Variants in HS1BP3 observed in about 807,000 individuals in gnomAD.
HS1BP3 encodes HCLS1 binding protein 3, also known as HCLS1-binding protein 3.
HS1BP3 carries 32 observed loss-of-function variants against 33.5 expected under a neutral mutation model. That is an observed-to-expected ratio of 0.95 (90% CI 0.72 to 1.28). The LOEUF is 1.28. HS1BP3 is among the 50% of genes most tolerant of loss of function. The pLI, the probability that HS1BP3 is intolerant of heterozygous loss-of-function variation, is 0.00. For missense variants in HS1BP3, 486 were observed against 502.3 expected, an observed-to-expected ratio of 0.97 and a Z score of 0.31; for synonymous variants, 187 against 209.2, an observed-to-expected ratio of 0.89 and a Z score of 0.92.
chr2:20,650,647 G>A (rs928061752), intron 1 of HS1BP3, among the ~76,000 whole-genome samples: 4 of 152,212 alleles, frequency 2.6e-5, no homozygotes, highest in Non-Finnish European at 5.9e-5. Context: ...TGTCCCCAGT[G>A]CCCAGCACCG....
At chr2:20,571,970 C>G (rs1204651806) in intron 5 of HS1BP3, among the ~76,000 whole-genome samples, 1 of 152,242 alleles carries the variant, frequency 6.6e-6, no homozygotes, top group Non-Finnish European at 1.5e-5. Flanking sequence ...AGGCCTGCTC[C>G]CCTCTTGCCT....
intron 5 of HS1BP3, among the ~76,000 whole-genome samples, chr2:20,568,450 G>A (rs1693188288): frequency 6.6e-6 from 1 of 152,168 alleles, no homozygotes; most frequent in African/African-American, 2.4e-5. Flanking sequence ...GCCGCCGTCA[G>A]GCTTCAGTGT....
downstream of HS1BP3, among the ~76,000 whole-genome samples, chr2:20,614,675 C>T (rs535203428): frequency 6.6e-6 from 1 of 152,340 alleles, no homozygotes; most frequent in South Asian, 2.1e-4. Context: ...CATGATTGGC[C>T]AGTTGGCCTG....
intron 4 of HS1BP3, among the ~76,000 whole-genome samples, chr2:20,630,523 C>T (rs965366315): frequency 6.6e-6 from 1 of 152,244 alleles, no homozygotes; most frequent in Non-Finnish European, 1.5e-5. Flanking sequence ...CCCGCCTTGA[C>T]CTCTCAAAGT....
rs191571390 is a variant in HS1BP3, at chr2:20,622,010, C to T, written c.920+1886G>A. 1.6e-4 allele frequency among the ~76,000 whole-genome samples: 25 copies of T among 151,898 alleles called. No individual in the cohort carries two copies. The East Asian group carries it at 3.5e-3, about 21-fold the overall frequency. ...CCCATTCCTTCTCCCTGGGTTCCTG[C>T]GGAAGACAAGACTCACCTAAACATC... On this transcript the variant is annotated intron_variant, in intron 6 of 6. Coordinates refer to ENST00000304031, the MANE Select transcript of HS1BP3 (RefSeq NM_022460.4).
intron 1 of HS1BP3, among the ~76,000 whole-genome samples, chr2:20,647,057 C>T (rs1160999616): frequency 2.0e-4 from 30 of 151,338 alleles, no homozygotes; most frequent in Admixed American, 1.9e-3. Flanking sequence ...ATGATGAAAA[C>T]GAGGCACAGG....
intron 2 of HS1BP3, among the ~76,000 whole-genome samples, chr2:20,612,772 A>G (rs989556230): frequency 1.3e-5 from 2 of 152,164 alleles, no homozygotes; most frequent in Non-Finnish European, 2.9e-5. Context: ...TGCTATGAAC[A>G]TCTGTGTACA....
At chr2:20,588,290 T>C (rs150651847), downstream of HS1BP3, among the ~76,000 whole-genome samples, 794 of 152,328 alleles carry the variant, frequency 5.2e-3, 4 homozygotes, top group Admixed American at 0.011. Context: ...ATATACATGC[T>C]TTTATCTCAT....
chr2:20,635,068 GCAGAGGGGCCTCCCAA>G (rs1459659299), intron 4 of HS1BP3: 1 of 152,234 alleles, frequency 6.6e-6, no homozygotes, highest in East Asian at 1.9e-4. Context: ...GCTTAGAAAA[GCAGAGGGGCCTCCCAA>G]CAGAGGGGCT....
At chr2:20,631,009 C>T (rs1694950584) in intron 4 of HS1BP3, among the ~76,000 whole-genome samples, 1 of 152,180 alleles carries the variant, frequency 6.6e-6, no homozygotes, top group Non-Finnish European at 1.5e-5. Flanking sequence ...CTGGACCAGT[C>T]ACTCAACTTC....
At chr2:20,605,602 C>T (rs4401179) in intron 2 of HS1BP3, among the ~76,000 whole-genome samples, 2,839 of 152,318 alleles carry the variant, frequency 0.019, 40 homozygotes, top group Middle Eastern at 0.058. Context: ...CTCCCAGCCC[C>T]TGGCAACCAG....
At chr2:20,621,305 G>A (rs933214502) in intron 6 of HS1BP3, among the ~76,000 whole-genome samples, 2 of 152,250 alleles carry the variant, frequency 1.3e-5, no homozygotes, top group Non-Finnish European at 2.9e-5. Context: ...CCTGCTTCCT[G>A]GCTCAACCTC....
intron 2 of HS1BP3, among the ~76,000 whole-genome samples, chr2:20,642,684 G>A (rs1695393935): frequency 6.6e-6 from 1 of 152,242 alleles, no homozygotes. Context: ...CGGAGCTGTA[G>A]GCCTGGGCTC....
At chr2:20,569,825 C>G (rs1463827149) in intron 5 of HS1BP3, among the ~76,000 whole-genome samples, 2 of 152,238 alleles carry the variant, frequency 1.3e-5, no homozygotes, top group Non-Finnish European at 2.9e-5. Flanking sequence ...CACACATTCC[C>G]TGAACCTTGC....
intron 5 of HS1BP3, among the ~76,000 whole-genome samples, chr2:20,562,563 G>A (rs1246507113): frequency 6.6e-6 from 1 of 152,214 alleles, no homozygotes; most frequent in Non-Finnish European, 1.5e-5. Flanking sequence ...AGCTGCTCTA[G>A]CAAATTAATG....
chr2:20,599,642 A>ACG (rs1437781597), intron 2 of HS1BP3, among the ~76,000 whole-genome samples: 1 of 145,910 alleles, frequency 6.9e-6, no homozygotes. Context: ...ACACACACAC[A>ACG]CACACACTCT....
chr2:20,575,608 C>G (rs1415806724), intron 5 of HS1BP3, among the ~76,000 whole-genome samples: 1 of 152,254 alleles, frequency 6.6e-6, no homozygotes, highest in African/African-American at 2.4e-5. Context: ...AGGAGCCAGG[C>G]ACTGGGGAGA....
chr2:20,561,466 C>T (rs1692992015), intron 5 of HS1BP3, among the ~76,000 whole-genome samples: 1 of 152,176 alleles, frequency 6.6e-6, no homozygotes, highest in Admixed American at 6.5e-5. Context: ...TGAGCTAGAG[C>T]ACAAGAGTCC....
At chr2:20,588,563 G>A (rs112751130), downstream of HS1BP3, among the ~76,000 whole-genome samples, 2,379 of 152,204 alleles carry the variant, frequency 0.016, 57 homozygotes, top group African/African-American at 0.055. Flanking sequence ...GAAGTGATCC[G>A]ACTGCCTCGG....
Sources: gnomAD v4.1 joint callset for allele counts (sites outside exome capture counted in the v4.1 genomes callset) on GRCh38, gnomAD v4.1.1 for gene constraint, MANE v1.5 for transcripts, NCBI Gene and HGNC (gene_info 2026-07-23, HGNC 2026-07-21) for gene names.